Variants in HS6ST3 observed in about 807,000 individuals in gnomAD.
HS6ST3 encodes the protein heparan-sulfate 6-O-sulfotransferase 3.
Under a neutral mutation model 36.7 loss-of-function variants are expected in HS6ST3, and 12 were observed. The observed-to-expected ratio is 0.33, with a 90% CI of 0.21 to 0.53. The LOEUF (loss-of-function observed/expected upper bound fraction) is 0.53, where lower values mean the gene tolerates loss of function less well. Among genes scored for constraint, HS6ST3 ranks in the 20% least tolerant of loss-of-function variants. HS6ST3 has a pLI of 0.95. For missense variants in HS6ST3, 584 were observed against 640.9 expected, an observed-to-expected ratio of 0.91 and a Z score of 0.96; for synonymous variants, 240 against 257.5, an observed-to-expected ratio of 0.93 and a Z score of 0.65.
intron 1 of HS6ST3, among the ~76,000 whole-genome samples, chr13:96,198,471 T>C (rs185939916): frequency 2.0e-5 from 3 of 152,366 alleles, no homozygotes; most frequent in Admixed American, 2.0e-4. Context: ...ACTTTTATGC[T>C]CTGCTGCCCT....
intron 1 of HS6ST3, among the ~76,000 whole-genome samples, chr13:96,297,315 G>A (rs1215525480): frequency 1.3e-5 from 2 of 151,914 alleles, no homozygotes; most frequent in African/African-American, 4.8e-5. Flanking sequence ...TGTGCACATT[G>A]AGGTGGTTTT....
chr13:96,360,945 C>CCAAAA lies in HS6ST3; in HGVS notation c.707+269376_707+269377insCAAAA, dbSNP rs1555300658. Among the ~76,000 whole-genome samples, 4 of 130,876 alleles carry CCAAAA rather than the reference C, an allele frequency of 3.1e-5. 1 individual carries two copies. The highest frequency in any genetic ancestry group is 8.0e-5 in the Admixed American group (1 of 12,440). The allele number at this position is 130,876 out of a possible 152,430, so 85.9% of individuals were successfully genotyped here. A position where few individuals can be genotyped will look rare whatever the true frequency, so the allele number is the denominator to read the frequency against. On this transcript the variant is annotated intron_variant, in intron 1 of 1. Transcript: ENST00000376705. The stretch of plus-strand genomic sequence containing the variant: ...TGGACGACAGAGCAAGACCCTGTCC[C>CCAAAA]AAAAAAAAAAAAAAAAAATGCAGGA...
intron 1 of HS6ST3, among the ~76,000 whole-genome samples, chr13:96,765,335 G>A (rs1451127747): frequency 6.6e-6 from 1 of 152,058 alleles, no homozygotes; most frequent in Non-Finnish European, 1.5e-5. Context: ...GCCTCCCAAA[G>A]TGCTGGGATT....
At chr13:96,391,830 C>T (rs949692205) in intron 1 of HS6ST3, among the ~76,000 whole-genome samples, 3 of 152,238 alleles carry the variant, frequency 2.0e-5, no homozygotes, top group African/African-American at 7.2e-5. Flanking sequence ...TTCCATGACA[C>T]GTGGGAATTG....
chr13:96,350,877 C>A (rs2055178414), intron 1 of HS6ST3, among the ~76,000 whole-genome samples: 1 of 152,170 alleles, frequency 6.6e-6, no homozygotes, highest in Non-Finnish European at 1.5e-5. Context: ...AAAATGCTCC[C>A]CATTGCTTCC....
At chr13:96,465,325 C>A (rs1168608567) in intron 1 of HS6ST3, among the ~76,000 whole-genome samples, 1 of 152,078 alleles carries the variant, frequency 6.6e-6, no homozygotes, top group Non-Finnish European at 1.5e-5. Context: ...AATATGGAAA[C>A]AACAACCCAA....
chr13:96,750,166 A>C (rs1876663140), intron 1 of HS6ST3, among the ~76,000 whole-genome samples: 2 of 152,230 alleles, frequency 1.3e-5, no homozygotes, highest in Admixed American at 1.3e-4. Context: ...ACCATACAAG[A>C]GATATGGTAG....
intron 1 of HS6ST3, among the ~76,000 whole-genome samples, chr13:96,790,972 T>C (rs1214085119): frequency 6.6e-6 from 1 of 152,106 alleles, no homozygotes. Context: ...ATATGTGCTT[T>C]GATTTTCTAA....
Position 96,605,882 on chromosome 13 carries a change from C to CAA in HS6ST3, c.708-226594_708-226593dup, listed in dbSNP as rs35530396. Among the ~76,000 whole-genome samples, 102 of 92,316 alleles carry CAA rather than the reference C, an allele frequency of 1.1e-3. 1 individual carries two copies. Among genetic ancestry groups the CAA allele is most frequent in the African/African-American group, 2.5e-3 (72 of 28,930 alleles). The allele number at this position is 92,316 out of a possible 152,430, so 60.6% of individuals were successfully genotyped here. On this transcript the variant is annotated intron_variant, in intron 1 of 1. Transcript: ENST00000376705. ...CTGGAATCTGTAAGGAATTAACAAG[C>CAA]AAAAAAAAAAAAAAATTAAAAAATG... is the stretch of plus-strand genomic sequence containing the variant.
At chr13:96,134,891 A>T (rs2053993656) in intron 1 of HS6ST3, among the ~76,000 whole-genome samples, 1 of 151,052 alleles carries the variant, frequency 6.6e-6, no homozygotes, top group African/African-American at 2.4e-5. Context: ...CATATTTTAT[A>T]TTAGAATTAG....
chr13:96,139,339 G>A (rs140090655), intron 1 of HS6ST3, among the ~76,000 whole-genome samples: 1 of 151,726 alleles, frequency 6.6e-6, no homozygotes, highest in East Asian at 1.9e-4. Context: ...AATGAAGGTC[G>A]CAAATCAAAG....
At chr13:96,632,599 C>G (rs1011141056) in intron 1 of HS6ST3, among the ~76,000 whole-genome samples, 3 of 152,124 alleles carry the variant, frequency 2.0e-5, no homozygotes, top group African/African-American at 4.8e-5. Context: ...TTTAAGCTAC[C>G]ATTAAGAGTT....
At chr13:96,563,231 A>G (rs2056269129) in intron 1 of HS6ST3, among the ~76,000 whole-genome samples, 1 of 152,140 alleles carries the variant, frequency 6.6e-6, no homozygotes, top group Non-Finnish European at 1.5e-5. Context: ...TTTCCATCAC[A>G]TTATCTCAGA....
At chr13:96,456,408 C>A (rs2139488643) in intron 1 of HS6ST3, among the ~76,000 whole-genome samples, 1 of 152,232 alleles carries the variant, frequency 6.6e-6, no homozygotes, top group East Asian at 1.9e-4. Flanking sequence ...ATTTGAATAT[C>A]CAGTAGCCCT....
chr13:96,580,193 C>CATATATATAT (rs3051282), intron 1 of HS6ST3, among the ~76,000 whole-genome samples: 13 of 140,520 alleles, frequency 9.3e-5, no homozygotes, highest in East Asian at 2.2e-4. Context: ...CCCATCCAGA[C>CATATATATAT]ATATATATAT....
intron 1 of HS6ST3, among the ~76,000 whole-genome samples, chr13:96,287,004 A>T (rs2054807005): frequency 6.6e-6 from 1 of 152,250 alleles, no homozygotes; most frequent in East Asian, 1.9e-4. Context: ...CACATCTGGG[A>T]GAGAAACAGA....
intron 1 of HS6ST3, among the ~76,000 whole-genome samples, chr13:96,560,922 G>A (rs1407473401): frequency 6.6e-6 from 1 of 152,106 alleles, no homozygotes; most frequent in Admixed American, 6.6e-5. Context: ...TTCATGTCAT[G>A]GATTGGAAGA....
At position 96,459,548 on chromosome 13, in the gene HS6ST3, C is replaced by T. The variant is rs187248650; in HGVS notation, c.707+367979C>T. Among the ~76,000 whole-genome samples the T allele has an allele frequency of 2.5e-3, 377 of 152,230 alleles. 1 individual carries two copies. The highest frequency in any genetic ancestry group is 8.3e-3 in the African/African-American group (346 of 41,552). On this transcript the variant is annotated intron_variant, in intron 1 of 1. Coordinates refer to ENST00000376705, the MANE Select transcript of HS6ST3 (RefSeq NM_153456.4). ...AATATTTCTGCTATCGGGGTAGGCA[C>T]GCAGTTTTGGAAAGAAGATGGACTC...
At chr13:96,511,637 T>C (rs2056050201) in intron 1 of HS6ST3, among the ~76,000 whole-genome samples, 1 of 151,652 alleles carries the variant, frequency 6.6e-6, no homozygotes, top group African/African-American at 2.4e-5. Context: ...ATTCCCTTGT[T>C]GGTGTTAGAT....
Sources: gnomAD v4.1 joint callset for allele counts (sites outside exome capture counted in the v4.1 genomes callset) on GRCh38, gnomAD v4.1.1 for gene constraint, MANE v1.5 for transcripts, NCBI Gene and HGNC (gene_info 2026-07-23, HGNC 2026-07-21) for gene names.